Variants in TRAM1 observed in about 807,000 individuals in gnomAD.
TRAM1 encodes the protein translocating chain-associated membrane protein 1.
Under a neutral mutation model 48.7 loss-of-function variants are expected in TRAM1, and 17 were observed. The ratio of observed to expected loss-of-function variants is 0.35; its 90% CI spans 0.24 to 0.52. The LOEUF is 0.52. Ranked by LOEUF, TRAM1 falls within the 20% of genes least tolerant of loss-of-function variation. The pLI, the probability that TRAM1 is intolerant of heterozygous loss-of-function variation, is 0.94. For missense variants in TRAM1, 351 were observed against 441.5 expected (o/e 0.79, Z 1.84); for synonymous variants, 182 against 154.0 (o/e 1.18, Z -1.34).
Position 70,602,702 on chromosome 8 carries a change from G to A in TRAM1, c.124-2620C>T, listed in dbSNP as rs557834834. On this transcript the variant is annotated intron_variant, in intron 1 of 10. Coordinates refer to ENST00000262213, the MANE Select transcript of TRAM1 (RefSeq NM_014294.6). ...GGGAAAGTAAAAAGATACCGGATGC[G>A]AATGTCTGAGGTTAGAAACCTTTGA... Among the ~76,000 whole-genome samples, 4 of 152,336 alleles carry A rather than the reference G, an allele frequency of 2.6e-5. No individual in the cohort carries two copies. In the South Asian group the frequency reaches 8.3e-4, roughly 32 times the overall value.
At chr8:70,605,447 T>C (rs1817698672) in intron 1 of TRAM1, among the ~76,000 whole-genome samples, 1 of 152,220 alleles carries the variant, frequency 6.6e-6, no homozygotes, top group African/African-American at 2.4e-5. Context: ...TAATACAGTA[T>C]TTCTTTCTTT....
chr8:70,596,060 A>C (rs571292867), intron 5 of TRAM1, among the ~76,000 whole-genome samples: 10 of 152,256 alleles, frequency 6.6e-5, no homozygotes, highest in Admixed American at 5.2e-4. Context: ...AAGCTTACAA[A>C]GATGTTGAAA....
rs1035512504 is a variant in TRAM1 at position 70,597,949 on chromosome 8, C to T, written c.372G>A (p.Gln124=). 5.0e-6 allele frequency: 8 copies of T among 1,603,022 alleles called. No individual in the cohort carries two copies. The highest frequency in any genetic ancestry group is 4.0e-5 in the African/African-American group (3 of 74,742). Residue 124 remains glutamine, a synonymous_variant, in exon 4 of 11, where the codon CAG becomes CAA. Transcript: ENST00000262213. ...AGGCAAAAAGGTAGAACGCACTAAG[C>T]TGACCAGATTCATTAAACTTGCTGT... ...TKHSKFNESG[Q]LSAFYLFACV...
At position 70,581,549 on chromosome 8, in the gene TRAM1, T is replaced by C. The variant is rs555666142; in HGVS notation, c.1051+1615A>G. ...TAGTATAACCACTTCAAAGAACAGT[T>C]TGGCAGTTCCCTCAAAATGTTAAAC... On this transcript the variant is annotated intron_variant, in intron 10 of 10. Transcript: ENST00000262213. Among the ~76,000 whole-genome samples the C allele has an allele frequency of 7.2e-5, 11 of 152,318 alleles. No individual in the cohort carries two copies. The South Asian group carries it at 2.1e-3, about 29-fold the overall frequency.
At chr8:70,578,206 A>G (rs550533725) in intron 10 of TRAM1, among the ~76,000 whole-genome samples, 11 of 152,316 alleles carry the variant, frequency 7.2e-5, no homozygotes, top group Admixed American at 6.5e-4. Flanking sequence ...TGACATCAGG[A>G]TCAAGGGATC....
intron 6 of TRAM1, among the ~76,000 whole-genome samples, chr8:70,589,711 G>A (rs1020228232): frequency 6.6e-6 from 1 of 152,094 alleles, no homozygotes; most frequent in Non-Finnish European, 1.5e-5. Context: ...AGTGGTGCAT[G>A]CCTGTACTTC....
intron 6 of TRAM1, among the ~76,000 whole-genome samples, chr8:70,591,125 G>A (rs1270638235): frequency 3.3e-5 from 5 of 152,006 alleles, no homozygotes; most frequent in Admixed American, 3.3e-4. Context: ...TGGAAGTAGG[G>A]GTAGTGTACC....
At chr8:70,604,052 C>T (rs942211489) in intron 1 of TRAM1, among the ~76,000 whole-genome samples, 1 of 152,218 alleles carries the variant, frequency 6.6e-6, no homozygotes, top group Middle Eastern at 3.4e-3. Flanking sequence ...AAATAGGCTA[C>T]AGAAATATAT....
intron 1 of TRAM1, chr8:70,607,471 G>A (rs1817765216): frequency 2.0e-6 from 2 of 985,508 alleles, no homozygotes; most frequent in African/African-American, 1.7e-5. Flanking sequence ...CCGGTGCCCG[G>A]CGGCCACCGC....
chr8:70,597,876 C>T lies in TRAM1; in HGVS notation c.426+19G>A. 1.3e-6 allele frequency: 2 copies of T among 1,546,504 alleles called. No individual in the cohort carries two copies. The highest frequency in any genetic ancestry group is 1.8e-6 in the Non-Finnish European group (2 of 1,135,012). ...CTTAGATAAGGAAGGAGAACAACAA[C>T]CTAAGAGGACATACTTACAGAGATG... On this transcript the variant is annotated intron_variant, in intron 4 of 10. Coordinates refer to ENST00000262213, the MANE Select transcript of TRAM1 (RefSeq NM_014294.6).
intron 1 of TRAM1, among the ~76,000 whole-genome samples, chr8:70,606,341 A>G (rs1310186313): frequency 6.6e-6 from 1 of 152,122 alleles, no homozygotes; most frequent in Non-Finnish European, 1.5e-5. Context: ...GGTGCGTGCT[A>G]TCTATCACTC....
chr8:70,593,228 C>T (rs1817405702), intron 6 of TRAM1, among the ~76,000 whole-genome samples: 1 of 151,844 alleles, frequency 6.6e-6, no homozygotes, highest in Admixed American at 6.6e-5. Flanking sequence ...ACATGAGTAA[C>T]GACAGATACA....
chr8:70,607,398 T>A, intron 1 of TRAM1: 5 of 985,500 alleles, frequency 5.1e-6, no homozygotes, highest in Non-Finnish European at 6.0e-6. Flanking sequence ...AAAAGTTCGT[T>A]AACTGGTAAT....
chr8:70,604,817 T>A (rs1428271327), intron 1 of TRAM1, among the ~76,000 whole-genome samples: 1 of 152,174 alleles, frequency 6.6e-6, no homozygotes, highest in East Asian at 1.9e-4. Context: ...TTAAAAGAAA[T>A]ACTTCTCTTG....
chr8:70,576,152 G>A (rs1318186006), intron 10 of TRAM1, among the ~76,000 whole-genome samples: 1 of 144,802 alleles, frequency 6.9e-6, no homozygotes, highest in African/African-American at 2.6e-5. Context: ...TACAGTTAAA[G>A]CAGTGTTGAA....
At chr8:70,575,331 C>T (rs939686902) in intron 10 of TRAM1, among the ~76,000 whole-genome samples, 5 of 152,052 alleles carry the variant, frequency 3.3e-5, no homozygotes, top group African/African-American at 1.2e-4. Context: ...CAGCGAAGTC[C>T]TTGGGGATAT....
Position 70,608,383 on chromosome 8 carries a change from A to AG in TRAM1, c.-185_-184insC, listed in dbSNP as rs1310025333. Reference sequence around the variant, plus strand: ...CCGGGCCGCCCGGGGGAAAAAAAAAAACACAACAGCTAGCCCGCAGCGGGG... The same window carrying AG: ...CCGGGCCGCCCGGGGGAAAAAAAAAAGACACAACAGCTAGCCCGCAGCGGGG... On this transcript the variant is annotated 5_prime_UTR_variant, in exon 1 of 11. Transcript: ENST00000262213. 6.4e-6 allele frequency: 4 copies of AG among 623,468 alleles called. No individual in the cohort carries two copies. The African/African-American group carries it at 8.0e-5, about 12-fold the overall frequency. 38.6% of individuals were successfully genotyped at this position (623,468 alleles called of 1,614,324 possible).
chr8:70,594,985 C>T (rs1817456850), intron 5 of TRAM1, among the ~76,000 whole-genome samples: 1 of 149,914 alleles, frequency 6.7e-6, no homozygotes, highest in African/African-American at 2.4e-5. Context: ...AGCAAAGGCT[C>T]ATAGATTAAT....
Position 70,608,384 on chromosome 8 carries a change from AC to A in TRAM1, c.-186del, listed in dbSNP as rs1339155848. On this transcript the variant is annotated 5_prime_UTR_variant, in exon 1 of 11. Transcript: ENST00000262213. ...CGGGCCGCCCGGGGGAAAAAAAAAA[AC>A]ACAACAGCTAGCCCGCAGCGGGGGC... 2 of 594,918 alleles carry A rather than the reference AC, an allele frequency of 3.4e-6. No homozygotes were observed. The highest frequency in any genetic ancestry group is 5.1e-6 in the Non-Finnish European group (2 of 388,434). The allele number at this position is 594,918 out of a possible 1,614,324, so 36.9% of individuals were successfully genotyped here. A position where few individuals can be genotyped will look rare whatever the true frequency, so the allele number is the denominator to read the frequency against.
Sources: allele counts gnomAD v4.1 joint callset (sites outside exome capture counted in the v4.1 genomes callset), GRCh38; gene constraint gnomAD v4.1.1; transcripts MANE v1.5; gene names NCBI Gene and HGNC (gene_info 2026-07-23, HGNC 2026-07-21).